RBFOX1: variants seen among roughly 807,000 people sequenced by gnomAD.
RBFOX1 encodes RNA binding fox-1 homolog 1, also known as RNA binding protein fox-1 homolog 1.
In RBFOX1, 8 loss-of-function variants were observed where a neutral mutation model predicts 57.7. That is an observed-to-expected ratio of 0.14 (90% CI 0.08 to 0.25). RBFOX1 has a LOEUF of 0.25. RBFOX1 is among the 10% of genes least tolerant of loss of function. The probability of loss-of-function intolerance (pLI) is 1.00; values close to 1 mark genes in which losing one functional copy is unlikely to be tolerated. For missense variants in RBFOX1, 611 were observed against 548.5 expected, an observed-to-expected ratio of 1.11 and a Z score of -1.14; for synonymous variants, 326 against 222.4, an observed-to-expected ratio of 1.47 and a Z score of -4.15.
intron 3 of RBFOX1, among the ~76,000 whole-genome samples, chr16:5,711,288 G>A (rs1002371295): frequency 1.3e-5 from 2 of 152,172 alleles, no homozygotes; most frequent in African/African-American, 4.8e-5. Flanking sequence ...TATCTACATT[G>A]CTCAGATAAG....
At chr16:5,265,974 A>G (rs113234345) in intron 1 of RBFOX1, among the ~76,000 whole-genome samples, 1 of 152,150 alleles carries the variant, frequency 6.6e-6, no homozygotes, top group Non-Finnish European at 1.5e-5. Flanking sequence ...TGCCATTTCA[A>G]GAAAAATCAC....
chr16:5,468,833 T>C (rs546520800), intron 2 of RBFOX1, among the ~76,000 whole-genome samples: 1 of 152,354 alleles, frequency 6.6e-6, no homozygotes, highest in South Asian at 2.1e-4. Flanking sequence ...GAAACACAGT[T>C]ACAAGTTGTG....
intron 3 of RBFOX1, among the ~76,000 whole-genome samples, chr16:5,725,043 C>A (rs1282344853): frequency 6.6e-6 from 1 of 152,084 alleles, no homozygotes; most frequent in South Asian, 2.1e-4. Context: ...TCAACCCTTT[C>A]CCTTGGGAGA....
At chr16:5,703,842 A>T (rs756081256) in intron 3 of RBFOX1, among the ~76,000 whole-genome samples, 8 of 152,208 alleles carry the variant, frequency 5.3e-5, no homozygotes, top group Non-Finnish European at 1.5e-5. Context: ...GGATATTATT[A>T]TCTACATGTT....
intron 3 of RBFOX1, among the ~76,000 whole-genome samples, chr16:7,010,308 A>G (rs1214645989): frequency 6.6e-6 from 1 of 152,236 alleles, no homozygotes; most frequent in Non-Finnish European, 1.5e-5. Context: ...AGAGAACACT[A>G]GAGAAAGAAC....
intron 1 of RBFOX1, among the ~76,000 whole-genome samples, chr16:6,147,729 T>C (rs1344951964): frequency 6.6e-6 from 1 of 152,184 alleles, no homozygotes; most frequent in Non-Finnish European, 1.5e-5. Flanking sequence ...GCCTCCCCAG[T>C]CCTCGCACCA....
intron 1 of RBFOX1, among the ~76,000 whole-genome samples, chr16:6,070,380 C>G (rs915393206): frequency 1.3e-5 from 2 of 152,230 alleles, no homozygotes; most frequent in African/African-American, 2.4e-5. Context: ...ATTTCATACA[C>G]TTCAGATTAT....
chr16:5,326,308 A>T (rs750525857), intron 1 of RBFOX1, among the ~76,000 whole-genome samples: 1 of 152,200 alleles, frequency 6.6e-6, no homozygotes, highest in Admixed American at 6.5e-5. Context: ...GGAGCCAGGT[A>T]ATTCTCCCCA....
rs1603413308 is a variant in RBFOX1, at chr16:6,685,800, C to T, written c.-16+31150C>T. Among the ~76,000 whole-genome samples, 4 of 152,306 alleles carry T rather than the reference C, an allele frequency of 2.6e-5. No homozygotes were observed. In the East Asian group the frequency reaches 7.7e-4, roughly 29 times the overall value. On this transcript the variant is annotated intron_variant, in intron 3 of 15. Transcript: ENST00000550418. ...ACCTGAAATTTTAACAAACAGCCTTCACTCAATGTTGTTTTCATTATGTCA... is the reference window on the plus strand; with the variant it reads ...ACCTGAAATTTTAACAAACAGCCTTTACTCAATGTTGTTTTCATTATGTCA...
intron 3 of RBFOX1, among the ~76,000 whole-genome samples, chr16:7,032,153 G>C (rs549558461): frequency 2.6e-5 from 4 of 151,982 alleles, no homozygotes; most frequent in South Asian, 2.1e-4. Flanking sequence ...GGCGGGGTGC[G>C]GTGGCCCACA....
At chr16:7,395,756 A>G (rs1041305282) in intron 4 of RBFOX1, among the ~76,000 whole-genome samples, 6 of 152,236 alleles carry the variant, frequency 3.9e-5, no homozygotes, top group Non-Finnish European at 7.3e-5. Flanking sequence ...ATCAATAGCA[A>G]TCTGCAATAA....
intron 4 of RBFOX1, among the ~76,000 whole-genome samples, chr16:7,468,417 G>C (rs990512575): frequency 6.6e-6 from 1 of 150,386 alleles, no homozygotes; most frequent in African/African-American, 2.5e-5. Context: ...GCTGCTACTT[G>C]CACTCAACAT....
At chr16:5,690,102 C>T (rs74698174) in intron 3 of RBFOX1, among the ~76,000 whole-genome samples, 104 of 152,310 alleles carry the variant, frequency 6.8e-4, no homozygotes, top group African/African-American at 2.3e-3. Context: ...GAGAGGCCAG[C>T]GAGGTCATCC....
chr16:7,113,029 C>T (rs961196164), intron 4 of RBFOX1, among the ~76,000 whole-genome samples: 2 of 152,158 alleles, frequency 1.3e-5, no homozygotes, highest in South Asian at 4.1e-4. Flanking sequence ...ACCCATCGAA[C>T]TGGAGTCAGA....
At chr16:7,695,571 G>T (rs930592062) in intron 14 of RBFOX1, among the ~76,000 whole-genome samples, 3 of 148,230 alleles carry the variant, frequency 2.0e-5, no homozygotes, top group African/African-American at 7.5e-5. Flanking sequence ...AGAATTGCTT[G>T]AACTGGGGAG....
At chr16:6,364,880 A>T (rs541047561) in intron 2 of RBFOX1, among the ~76,000 whole-genome samples, 88 of 152,236 alleles carry the variant, frequency 5.8e-4, no homozygotes, top group African/African-American at 2.1e-3. Context: ...TTCCCATCCT[A>T]GACTGGGCGA....
chr16:5,424,184 C>T (rs1229864548), intron 1 of RBFOX1, among the ~76,000 whole-genome samples: 1 of 152,188 alleles, frequency 6.6e-6, no homozygotes, highest in Non-Finnish European at 1.5e-5. Flanking sequence ...CTCTCGTTCT[C>T]TCTCGTTTGT....
chr16:7,425,101 C>T (rs2098597434), intron 4 of RBFOX1, among the ~76,000 whole-genome samples: 2 of 151,554 alleles, frequency 1.3e-5, no homozygotes, highest in South Asian at 2.1e-4. Context: ...TGTTTTTTTT[C>T]CAGGGAAAGG....
chr16:6,574,616 G>T (rs1237862386), intron 2 of RBFOX1, among the ~76,000 whole-genome samples: 1 of 148,876 alleles, frequency 6.7e-6, no homozygotes, highest in South Asian at 2.1e-4. Flanking sequence ...TTTTAGTAGA[G>T]ACGGGGTTTC....
Sources: gnomAD v4.1 joint callset for allele counts (sites outside exome capture counted in the v4.1 genomes callset) on GRCh38, gnomAD v4.1.1 for gene constraint, MANE v1.5 for transcripts, NCBI Gene and HGNC (gene_info 2026-07-23, HGNC 2026-07-21) for gene names.